FRRS1: variants seen among roughly 807,000 people sequenced by gnomAD.
The protein encoded by FRRS1 is ferric chelate reductase 1, also known as ferric reductase 1.
FRRS1 carries 51 observed loss-of-function variants against 70.7 expected under a neutral mutation model. The ratio of observed to expected loss-of-function variants is 0.72; its 90% CI spans 0.58 to 0.91. The LOEUF is 0.91. Ranked by LOEUF, FRRS1 falls within the 40% of genes least tolerant of loss-of-function variation. The probability of loss-of-function intolerance (pLI) is 0.00; values close to 1 mark genes in which losing one functional copy is unlikely to be tolerated. For synonymous variants in FRRS1, 225 were observed against 238.7 expected (o/e 0.94, Z 0.53); for missense variants, 672 against 726.0 (o/e 0.93, Z 0.86).
Position 99,706,268 on chromosome 1 carries a change from T to C in FRRS1, c.*2760A>G, listed in dbSNP as rs1557679958. 6.6e-6 allele frequency among the ~76,000 whole-genome samples: 1 copy of C among 151,524 alleles called. No homozygotes were observed. The highest frequency in any genetic ancestry group is 1.5e-5 in the Non-Finnish European group (1 of 67,912). On this transcript the variant is annotated 3_prime_UTR_variant, in exon 17 of 17. Transcript: ENST00000646001. ...TTTTTTAATTAGCTGGCTGTGGTGG[T>C]GCACGGAGTTGGTGCCTGTAGTTCC...
At chr1:99,721,425 T>C (rs902814476) in intron 9 of FRRS1, among the ~76,000 whole-genome samples, 7 of 147,518 alleles carry the variant, frequency 4.7e-5, no homozygotes, top group African/African-American at 1.7e-4. Context: ...AAGGGTGACA[T>C]AGCTGCTAAT....
In FRRS1 at chr1:99,738,082, C is replaced by T. The variant is rs1655765023; in HGVS notation, c.759+4G>A. 2 of 1,604,504 alleles carry T rather than the reference C, an allele frequency of 1.2e-6. No individual in the cohort carries two copies. The highest frequency in any genetic ancestry group is 1.7e-6 in the Non-Finnish European group (2 of 1,174,174). On this transcript the variant is annotated splice_donor_region_variant and intron_variant, in intron 7 of 16. Transcript: ENST00000646001. Reference sequence around the variant, plus strand: ...TACCACTTATGTAAGTGAGAGGTACCAACCATCCACTGATCATGAGACAAT... The same window carrying T: ...TACCACTTATGTAAGTGAGAGGTACTAACCATCCACTGATCATGAGACAAT...
chr1:99,723,575 T>G (rs544400417), intron 9 of FRRS1, among the ~76,000 whole-genome samples: 1 of 152,074 alleles, frequency 6.6e-6, no homozygotes, highest in African/African-American at 2.4e-5. Context: ...CAGATACATA[T>G]GAAGAAGCAA....
At chr1:99,713,218 AGGGTC>A (rs1420677851) in intron 12 of FRRS1, among the ~76,000 whole-genome samples, 1 of 152,196 alleles carries the variant, frequency 6.6e-6, no homozygotes, top group Non-Finnish European at 1.5e-5. Flanking sequence ...GAGTAAACTG[AGGGTC>A]ATAGTTAAAT....
chr1:99,746,780 G>A (rs900693942), intron 4 of FRRS1, among the ~76,000 whole-genome samples: 5 of 152,122 alleles, frequency 3.3e-5, no homozygotes, highest in African/African-American at 7.2e-5. Context: ...AAAGCAAAGC[G>A]GGGAAGAATT....
chr1:99,722,164 C>T (rs1258790074), intron 9 of FRRS1, among the ~76,000 whole-genome samples: 1 of 151,922 alleles, frequency 6.6e-6, no homozygotes, highest in Non-Finnish European at 1.5e-5. Context: ...CACACACCAC[C>T]ATGCCCAGCT....
intron 4 of FRRS1, among the ~76,000 whole-genome samples, chr1:99,745,901 T>C (rs1413681928): frequency 1.3e-5 from 2 of 152,106 alleles, no homozygotes; most frequent in African/African-American, 4.8e-5. Context: ...ACTAACTCTC[T>C]CTCTTGCTGT....
intron 1 of FRRS1, among the ~76,000 whole-genome samples, chr1:99,762,729 A>G (rs1657170137): frequency 6.6e-6 from 1 of 152,262 alleles, no homozygotes; most frequent in Non-Finnish European, 1.5e-5. Flanking sequence ...GTGGTCTGTC[A>G]ACACATTTCT....
intron 1 of FRRS1, among the ~76,000 whole-genome samples, chr1:99,753,025 C>A (rs1171394868): frequency 6.6e-6 from 1 of 152,020 alleles, no homozygotes; most frequent in Non-Finnish European, 1.5e-5. Flanking sequence ...CCAGCCTGGG[C>A]AACATGGTGA....
chr1:99,754,686 T>C (rs576175343), intron 1 of FRRS1, among the ~76,000 whole-genome samples: 1 of 152,282 alleles, frequency 6.6e-6, no homozygotes, highest in Non-Finnish European at 1.5e-5. Context: ...TAGACTACAT[T>C]CTGGGCCATA....
chr1:99,721,872 T>C (rs12094588), intron 9 of FRRS1, among the ~76,000 whole-genome samples: 135,182 of 152,120 alleles, frequency 0.89, 60,435 homozygotes, highest in East Asian at 0.99. Context: ...GCTGGGATAA[T>C]AGGAGTGAGC....
At position 99,712,173 on chromosome 1, in the gene FRRS1, T is replaced by A; in HGVS notation, c.1422-10A>T. On this transcript the variant is annotated splice_polypyrimidine_tract_variant and intron_variant, in intron 13 of 16. Coordinates refer to ENST00000646001, the MANE Select transcript of FRRS1 (RefSeq NM_001361041.2). ...GTTAAACATTTGCCTTCTACCAAAA[T>A]AAGAACCAGTCAGTATTCTTAAAAG... The A allele has an allele frequency of 6.3e-7, 1 of 1,589,378 alleles. No individual in the cohort carries two copies. Among genetic ancestry groups the A allele is most frequent in the Non-Finnish European group, 8.6e-7 (1 of 1,158,584 alleles).
At chr1:99,741,712 A>T (rs1655973273) in intron 5 of FRRS1, among the ~76,000 whole-genome samples, 1 of 152,256 alleles carries the variant, frequency 6.6e-6, no homozygotes, top group African/African-American at 2.4e-5. Flanking sequence ...TCATGCTAAT[A>T]CAGGAGCCAA....
chr1:99,735,002 T>C (rs955088428), intron 7 of FRRS1, among the ~76,000 whole-genome samples: 4 of 152,194 alleles, frequency 2.6e-5, no homozygotes, highest in Admixed American at 6.5e-5. Context: ...GCATACTTGA[T>C]AGACTTTACA....
chr1:99,748,473 C>T (rs2100982507), intron 3 of FRRS1, 100 bp downstream of exon 3: 2 of 1,010,042 alleles, frequency 2.0e-6, no homozygotes, highest in African/African-American at 3.2e-5. Flanking sequence ...CAAAAGAAAA[C>T]AGATTTAAGT....
At position 99,704,736 on chromosome 1, in the gene FRRS1, G is replaced by T. The variant is rs1416080742; in HGVS notation, c.*4292C>A. Among the ~76,000 whole-genome samples the T allele has an allele frequency of 2.6e-5, 4 of 152,164 alleles. No homozygotes were observed. The South Asian group carries it at 6.2e-4, about 24-fold the overall frequency. The stretch of plus-strand genomic sequence containing the variant: ...CTGGACAGCGAGAGGATGTGGATGG[G>T]AGCACGCCAGAGGAAGAGCACACGA... On this transcript the variant is annotated 3_prime_UTR_variant, in exon 17 of 17. Transcript: ENST00000646001.
chr1:99,723,490 T>A (rs555891591), intron 9 of FRRS1, among the ~76,000 whole-genome samples: 23 of 152,292 alleles, frequency 1.5e-4, no homozygotes, highest in African/African-American at 4.8e-4. Flanking sequence ...CACTCCAGCC[T>A]GGGCAACAGA....
chr1:99,750,065 G>A (rs1656496576), intron 1 of FRRS1, among the ~76,000 whole-genome samples: 1 of 152,162 alleles, frequency 6.6e-6, no homozygotes, highest in South Asian at 2.1e-4. Flanking sequence ...CTATTTAACC[G>A]CAGCCTAACC....
chr1:99,735,306 A>G (rs1039023906), intron 7 of FRRS1, among the ~76,000 whole-genome samples: 3 of 152,208 alleles, frequency 2.0e-5, no homozygotes, highest in African/African-American at 7.2e-5. Flanking sequence ...GCAAGTCATT[A>G]TTATCAGAAA....
Sources: gnomAD v4.1 joint callset for allele counts (sites outside exome capture counted in the v4.1 genomes callset) on GRCh38, gnomAD v4.1.1 for gene constraint, MANE v1.5 for transcripts, NCBI Gene and HGNC (gene_info 2026-07-23, HGNC 2026-07-21) for gene names.